CSMD1: variants seen among roughly 807,000 people sequenced by gnomAD.
CSMD1 encodes the protein CUB and sushi domain-containing protein 1.
Under a neutral mutation model 417.5 loss-of-function variants are expected in CSMD1, and 213 were observed. The ratio of observed to expected loss-of-function variants is 0.51; its 90% CI spans 0.46 to 0.57. CSMD1 has a LOEUF of 0.57. Ranked by LOEUF, CSMD1 falls within the 20% of genes least tolerant of loss-of-function variation. The pLI is 0.00. For synonymous variants in CSMD1, 2,862 were observed against 1,736.8 expected (o/e 1.65, Z -16.11); for missense variants, 6,923 against 4,529.7 (o/e 1.53, Z -15.17).
chr8:4,021,275 T>C (rs1796776331), intron 4 of CSMD1, among the ~76,000 whole-genome samples: 1 of 152,238 alleles, frequency 6.6e-6, no homozygotes, highest in African/African-American at 2.4e-5. Context: ...TAATTCTGCA[T>C]TAAAATTATA....
chr8:4,103,617 T>C (rs188022757), intron 3 of CSMD1, among the ~76,000 whole-genome samples: 8 of 152,268 alleles, frequency 5.3e-5, no homozygotes, highest in African/African-American at 7.2e-5. Flanking sequence ...TGTAAACACT[T>C]GTGTAGTCTT....
intron 2 of CSMD1, among the ~76,000 whole-genome samples, chr8:4,502,748 A>G (rs909582063): frequency 1.3e-5 from 2 of 152,140 alleles, no homozygotes; most frequent in Non-Finnish European, 1.5e-5. Flanking sequence ...TTATTTGTGT[A>G]TGATGGTTGT....
chr8:4,638,706 C>G (rs1214965687), intron 1 of CSMD1, among the ~76,000 whole-genome samples: 2 of 152,146 alleles, frequency 1.3e-5, no homozygotes, highest in Non-Finnish European at 2.9e-5. Flanking sequence ...TTACTCAGCC[C>G]TCCCTTAAGA....
chr8:4,770,015 T>C (rs1412523648), intron 1 of CSMD1, among the ~76,000 whole-genome samples: 2 of 152,032 alleles, frequency 1.3e-5, no homozygotes, highest in Non-Finnish European at 2.9e-5. Context: ...AGAAAGACAT[T>C]ATTCTGTTAC....
At position 4,095,071 on chromosome 8, in the gene CSMD1, G is replaced by A. The variant is rs532304918; in HGVS notation, c.416-62972C>T. Among the ~76,000 whole-genome samples the A allele has an allele frequency of 2.6e-5, 4 of 152,316 alleles. No homozygotes were observed. In the East Asian group the frequency reaches 7.7e-4, roughly 29 times the overall value. ...GTAGTTGAGCTTTGGGCTAACAAGA[G>A]CTTGGATTAATGTAACTGCAGAGGA... On this transcript the variant is annotated intron_variant, in intron 3 of 69. Coordinates refer to ENST00000635120, the MANE Select transcript of CSMD1 (RefSeq NM_033225.6).
intron 1 of CSMD1, among the ~76,000 whole-genome samples, chr8:4,664,330 C>A (rs1052828408): frequency 6.6e-6 from 1 of 152,128 alleles, no homozygotes; most frequent in African/African-American, 2.4e-5. Context: ...AAGGCTGAGG[C>A]GGGCGGATCA....
chr8:4,347,542 C>G (rs566314779), intron 3 of CSMD1, among the ~76,000 whole-genome samples: 1 of 152,240 alleles, frequency 6.6e-6, no homozygotes, highest in East Asian at 1.9e-4. Context: ...AAGGCTGTCT[C>G]AACAGAAATA....
chr8:4,157,875 T>C (rs930574817), intron 3 of CSMD1, among the ~76,000 whole-genome samples: 26 of 152,208 alleles, frequency 1.7e-4, no homozygotes, highest in South Asian at 4.2e-4. Flanking sequence ...CTTGGTCCTA[T>C]CCTCCCCACA....
At chr8:4,732,810 C>T (rs1349594051) in intron 1 of CSMD1, among the ~76,000 whole-genome samples, 1 of 152,152 alleles carries the variant, frequency 6.6e-6, no homozygotes, top group Non-Finnish European at 1.5e-5. Context: ...TAACTCCAGG[C>T]AGTAAATGAG....
At chr8:4,449,351 T>C (rs192402610) in intron 2 of CSMD1, among the ~76,000 whole-genome samples, 331 of 152,276 alleles carry the variant, frequency 2.2e-3, no homozygotes, top group Middle Eastern at 6.8e-3. Context: ...AGCCTCCCCC[T>C]CTCTTTTTTT....
chr8:4,215,137 A>G (rs1285601175), intron 3 of CSMD1, among the ~76,000 whole-genome samples: 1 of 152,160 alleles, frequency 6.6e-6, no homozygotes, highest in Admixed American at 6.5e-5. Flanking sequence ...GTGCCAACCT[A>G]GGGAGAGGGG....
At chr8:3,747,311 C>T (rs547904880) in intron 6 of CSMD1, among the ~76,000 whole-genome samples, 6 of 152,214 alleles carry the variant, frequency 3.9e-5, no homozygotes, top group South Asian at 2.1e-4. Flanking sequence ...TTTATGTGGC[C>T]CCATTTGCAA....
At position 4,143,079 on chromosome 8, in the gene CSMD1, G is replaced by C. The variant is rs547293215; in HGVS notation, c.416-110980C>G. Among the ~76,000 whole-genome samples, 49 of 150,624 alleles carry C rather than the reference G, an allele frequency of 3.3e-4. 1 individual carries two copies. In the Middle Eastern group the frequency reaches 0.01, roughly 32 times the overall value. On this transcript the variant is annotated intron_variant, in intron 3 of 69. Coordinates refer to ENST00000635120, the MANE Select transcript of CSMD1 (RefSeq NM_033225.6). Reference sequence around the variant, plus strand: ...AAATGAACACAATGAAGCAAGTTTAGTGACATGATATCTTCATCTATTAAC... The same window carrying C: ...AAATGAACACAATGAAGCAAGTTTACTGACATGATATCTTCATCTATTAAC...
chr8:3,754,026 G>C lies in CSMD1; in HGVS notation c.835C>G (p.Leu279Val), dbSNP rs1158776972. 6 of 1,611,686 alleles carry C rather than the reference G, an allele frequency of 3.7e-6. No homozygotes were observed. Among genetic ancestry groups the C allele is most frequent in the East Asian group, 4.5e-5 (2 of 44,830 alleles). ...TTGCTACTGATAACTGGAGAGGGGA[G>C]GTTCATGCCAGTTAGCCTAGAGAAG... is the stretch of plus-strand genomic sequence containing the variant. The part of the protein sequence containing the change: ...APSIWLTGMN[L>V]PSPVISSKNW... Residue 279 changes from leucine (L) to valine (V), a missense_variant, in exon 6 of 70, where the codon CTC (leucine) becomes GTC (valine). Leu to Val is a conservative substitution (Grantham distance 32, BLOSUM62 1). Coordinates refer to ENST00000635120, the MANE Select transcript of CSMD1 (RefSeq NM_033225.6).
chr8:4,131,594 A>G (rs923373947), intron 3 of CSMD1, among the ~76,000 whole-genome samples: 5 of 152,126 alleles, frequency 3.3e-5, no homozygotes, highest in African/African-American at 1.2e-4. Context: ...ATAGTCCCTA[A>G]TGCTTAGTTT....
rs146764251 is a variant in CSMD1, at chr8:3,812,503, C to G, written c.819-58461G>C. Among the ~76,000 whole-genome samples, 629 of 152,290 alleles carry G rather than the reference C, an allele frequency of 4.1e-3. 3 individuals are homozygous for G. Among genetic ancestry groups the G allele is most frequent in the African/African-American group, 0.015 (612 of 41,566 alleles). On this transcript the variant is annotated intron_variant, in intron 5 of 69. Coordinates refer to ENST00000635120, the MANE Select transcript of CSMD1 (RefSeq NM_033225.6). Reference sequence around the variant, plus strand: ...AATGGTCCATGTTCTTTTCACAACACTGAAAAACAGTTTGTGGGGAAGAGT... The same window carrying G: ...AATGGTCCATGTTCTTTTCACAACAGTGAAAAACAGTTTGTGGGGAAGAGT...
chr8:4,121,441 A>T (rs1430864843), intron 3 of CSMD1, among the ~76,000 whole-genome samples: 2 of 152,022 alleles, frequency 1.3e-5, no homozygotes, highest in East Asian at 1.9e-4. Context: ...CGCCCACCAC[A>T]CCGGTCAAGG....
chr8:4,118,540 G>A (rs144514482), intron 3 of CSMD1, among the ~76,000 whole-genome samples: 316 of 152,288 alleles, frequency 2.1e-3, no homozygotes, highest in African/African-American at 7.3e-3. Flanking sequence ...ACCAAAATGG[G>A]ATACCATCTC....
intron 26 of CSMD1, among the ~76,000 whole-genome samples, chr8:3,259,031 C>A (rs549323979): frequency 6.6e-6 from 1 of 152,166 alleles, no homozygotes; most frequent in South Asian, 2.1e-4. Context: ...AGGTTAGGCA[C>A]AAAGGTACTC....
Sources: allele counts gnomAD v4.1 joint callset (sites outside exome capture counted in the v4.1 genomes callset), GRCh38; gene constraint gnomAD v4.1.1; transcripts MANE v1.5; gene names NCBI Gene and HGNC (gene_info 2026-07-23, HGNC 2026-07-21).